The following TRMT11 variants were observed in gnomAD, a reference collection of about 807,000 sequenced individuals.
TRMT11 encodes the protein tRNA methyltransferase 11, also known as tRNA (guanine(10)-N(2))-methyltransferase TRMT11.
Under a neutral mutation model 62.8 loss-of-function variants are expected in TRMT11, and 53 were observed. That is an observed-to-expected ratio of 0.84 (90% confidence interval 0.68 to 1.06). The LOEUF is 1.06. TRMT11 is among the 50% of genes least tolerant of loss of function. The pLI is 0.00. For synonymous variants in TRMT11, 188 were observed against 190.3 expected (o/e 0.99, Z 0.10); for missense variants, 556 against 553.4 (o/e 1.00, Z -0.05).
intron 1 of TRMT11, among the ~76,000 whole-genome samples, chr6:126,198,188 A>G (rs918942760): frequency 3.3e-5 from 5 of 152,204 alleles, no homozygotes; most frequent in Non-Finnish European, 5.9e-5. Flanking sequence ...TTATAAGTCC[A>G]AGAATCTTCC....
the TRMT11 span, among the ~76,000 whole-genome samples, chr6:126,247,960 AAGGG>A: frequency 6.6e-6 from 1 of 152,110 alleles, no homozygotes; most frequent in Non-Finnish European, 1.5e-5. Flanking sequence ...GAGGCTCATG[AAGGG>A]TAAAGAGGAG....
Position 126,201,715 on chromosome 6 carries a change from AC to A in TRMT11, n.372-312del, listed in dbSNP as rs1457388244. The stretch of plus-strand genomic sequence containing the variant: ...TGCTCTTCTCCTATATTTTTTCCTT[AC>A]ATTCTCTCTTTATTTTTATTTTCCT... On this transcript the variant is annotated intron_variant and non_coding_transcript_variant, in intron 3 of 3. Coordinates refer to the TRMT11 transcript ENST00000444229. Among the ~76,000 whole-genome samples the A allele has an allele frequency of 2.6e-5, 4 of 151,342 alleles. No homozygotes were observed. The East Asian group carries it at 7.8e-4, about 29-fold the overall frequency.
At chr6:126,003,663 C>T (rs1792883431) in intron 7 of TRMT11, among the ~76,000 whole-genome samples, 1 of 151,958 alleles carries the variant, frequency 6.6e-6, no homozygotes, top group Admixed American at 6.6e-5. Flanking sequence ...ATTTTAAGGG[C>T]CATTATGACT....
In TRMT11 at chr6:126,027,603, A is replaced by G. The variant is rs569928213; in HGVS notation, c.1260+6323A>G. Among the ~76,000 whole-genome samples the G allele has an allele frequency of 6.7e-4, 102 of 152,274 alleles. 2 individuals are homozygous for G. In the South Asian group the frequency reaches 0.021, roughly 31 times the overall value. ...TAATTCAAGGTATTATATGGCTATT[A>G]ATTCAGACTAAAGTTTAATGTATAA... On this transcript the variant is annotated intron_variant, in intron 12 of 12. Transcript: ENST00000334379.
At chr6:126,154,348 TGTG>T (rs1778093892) in intron 21 of TRMT11, among the ~76,000 whole-genome samples, 1 of 151,962 alleles carries the variant, frequency 6.6e-6, no homozygotes, top group African/African-American at 2.4e-5. Flanking sequence ...TATGTGTGTG[TGTG>T]TGTGTGTGTG....
the TRMT11 span, among the ~76,000 whole-genome samples, chr6:126,217,273 G>A: frequency 6.6e-6 from 1 of 152,254 alleles, no homozygotes; most frequent in East Asian, 1.9e-4. Flanking sequence ...TGTTTTTCTG[G>A]ATGATCTTGA....
intron 1 of TRMT11, among the ~76,000 whole-genome samples, chr6:125,987,445 C>T (rs1434995383): frequency 6.6e-6 from 1 of 152,028 alleles, no homozygotes; most frequent in Non-Finnish European, 1.5e-5. Flanking sequence ...GGAAGTAGAT[C>T]GAGGCCAGAA....
chr6:126,222,328 T>G, the TRMT11 span, among the ~76,000 whole-genome samples: 2 of 152,130 alleles, frequency 1.3e-5, no homozygotes, highest in Non-Finnish European at 2.9e-5. Flanking sequence ...TTAGAATAGT[T>G]TTTTTTTCTA....
chr6:126,094,794 T>G (rs1276725270), intron 17 of TRMT11, among the ~76,000 whole-genome samples: 2 of 152,206 alleles, frequency 1.3e-5, no homozygotes, highest in Admixed American at 6.5e-5. Context: ...ATTTTCTACC[T>G]AATTAATCAA....
the TRMT11 span, among the ~76,000 whole-genome samples, chr6:126,271,506 A>ACTT: frequency 2.0e-5 from 3 of 150,140 alleles, no homozygotes; most frequent in African/African-American, 7.4e-5. Flanking sequence ...TATATATATG[A>ACTT]CTTATGTTTG....
chr6:126,182,859 A>G (rs1033033223), intron 1 of TRMT11, among the ~76,000 whole-genome samples: 3 of 151,842 alleles, frequency 2.0e-5, no homozygotes, highest in African/African-American at 2.4e-5. Flanking sequence ...TTATTTTGCA[A>G]TCTCTGCCCA....
At chr6:126,059,021 C>A (rs1436993301) in intron 17 of TRMT11, among the ~76,000 whole-genome samples, 1 of 151,468 alleles carries the variant, frequency 6.6e-6, no homozygotes, top group Non-Finnish European at 1.5e-5. Flanking sequence ...TGGCTCCTTG[C>A]ACCTCTTCTC....
At chr6:126,100,766 A>C (rs963689741) in intron 17 of TRMT11, among the ~76,000 whole-genome samples, 1 of 152,210 alleles carries the variant, frequency 6.6e-6, no homozygotes, top group Non-Finnish European at 1.5e-5. Flanking sequence ...CATTTATTGC[A>C]CACTTTATTT....
intron 21 of TRMT11, among the ~76,000 whole-genome samples, chr6:126,170,201 G>A (rs932023807): frequency 6.6e-6 from 1 of 151,754 alleles, no homozygotes; most frequent in African/African-American, 2.4e-5. Context: ...CTATTATACA[G>A]GGTTTGCTTA....
At chr6:126,109,606 A>G (rs188794495) in intron 17 of TRMT11, among the ~76,000 whole-genome samples, 21 of 152,288 alleles carry the variant, frequency 1.4e-4, no homozygotes, top group African/African-American at 5.1e-4. Context: ...TTTGATTTAG[A>G]TTCTAATTTC....
At chr6:126,254,357 C>G in the TRMT11 span, among the ~76,000 whole-genome samples, 1 of 152,182 alleles carries the variant, frequency 6.6e-6, no homozygotes, top group Non-Finnish European at 1.5e-5. Flanking sequence ...GAAAGTTATA[C>G]TTGTTATCAG....
At chr6:126,139,343 A>G (rs1777887924) in intron 21 of TRMT11, among the ~76,000 whole-genome samples, 2 of 151,950 alleles carry the variant, frequency 1.3e-5, no homozygotes, top group African/African-American at 4.8e-5. Flanking sequence ...TTTTCAGAAG[A>G]TTTTATTTTT....
intron 21 of TRMT11, among the ~76,000 whole-genome samples, chr6:126,170,429 A>G (rs1472708334): frequency 6.6e-6 from 1 of 152,180 alleles, no homozygotes; most frequent in African/African-American, 2.4e-5. Flanking sequence ...AATTCAGTGG[A>G]TGTTCTTTCC....
chr6:126,258,502 GC>G, the TRMT11 span: 1 of 212,180 alleles, frequency 4.7e-6, no homozygotes. Flanking sequence ...AGCATGCGGA[GC>G]CCCCAGGTCT....
Sources: allele counts gnomAD v4.1 joint callset (sites outside exome capture counted in the v4.1 genomes callset), GRCh38; gene constraint gnomAD v4.1.1; transcripts MANE v1.5; gene names NCBI Gene and HGNC (gene_info 2026-07-23, HGNC 2026-07-21).